SORCS1: variants seen among roughly 807,000 people sequenced by gnomAD.
The protein encoded by SORCS1 is VPS10 domain-containing receptor SorCS1.
In SORCS1, 60 loss-of-function variants were observed where a neutral mutation model predicts 146.1. The observed-to-expected ratio is 0.41, with a 90% CI of 0.33 to 0.51. The LOEUF is 0.51. Among genes scored for constraint, SORCS1 ranks in the 20% least tolerant of loss-of-function variants. SORCS1 has a pLI of 0.21. For synonymous variants in SORCS1, 637 were observed against 584.0 expected (o/e 1.09, Z -1.31); for missense variants, 1,352 against 1,487.6 (o/e 0.91, Z 1.50).
intron 6 of SORCS1, among the ~76,000 whole-genome samples, chr10:106,719,615 G>A (rs761481650): frequency 1.3e-5 from 2 of 152,082 alleles, no homozygotes; most frequent in Non-Finnish European, 2.9e-5. Context: ...GTTTCACCAT[G>A]TTGGCCAGGA....
At chr10:106,853,689 C>A (rs1439220897) in intron 2 of SORCS1, among the ~76,000 whole-genome samples, 4 of 151,752 alleles carry the variant, frequency 2.6e-5, no homozygotes, top group African/African-American at 9.7e-5. Flanking sequence ...ATTATAGTTT[C>A]TCTTGAGATT....
chr10:107,123,419 T>C (rs1966517100), intron 1 of SORCS1, among the ~76,000 whole-genome samples: 1 of 152,200 alleles, frequency 6.6e-6, no homozygotes, highest in Non-Finnish European at 1.5e-5. Context: ...TACAGAACCT[T>C]GCAGTGGATA....
At chr10:106,831,909 T>A (rs1254395570) in intron 2 of SORCS1, among the ~76,000 whole-genome samples, 1 of 152,196 alleles carries the variant, frequency 6.6e-6, no homozygotes, top group East Asian at 1.9e-4. Context: ...GATGTTACCT[T>A]TGTAACAAAA....
intron 6 of SORCS1, among the ~76,000 whole-genome samples, chr10:106,711,236 G>T (rs821953): frequency 0.81 from 122,938 of 152,076 alleles, 51,902 homozygotes; most frequent in Non-Finnish European, 0.94. Context: ...GTATAAAAAA[G>T]GAGTTATTTT....
intron 1 of SORCS1, among the ~76,000 whole-genome samples, chr10:107,062,691 C>A (rs534062402): frequency 7.9e-5 from 12 of 152,094 alleles, no homozygotes; most frequent in Non-Finnish European, 1.5e-4. Flanking sequence ...TATTGTGATC[C>A]GATTTGCAAA....
rs397763642 is a variant in SORCS1, at chr10:107,068,869, C to CAA, written c.558+95098_558+95099dup. On this transcript the variant is annotated intron_variant, in intron 1 of 25. Coordinates refer to ENST00000263054, the MANE Select transcript of SORCS1 (RefSeq NM_052918.5). ...TGGGCAACAGAGCGAGACTCCGTCT[C>CAA]AAAAAAAAAAAAAAAAGGAAACCTC... 5.7e-3 allele frequency among the ~76,000 whole-genome samples: 701 copies of CAA among 122,528 alleles called. 6 individuals are homozygous for CAA. The highest frequency in any genetic ancestry group is 0.013 in the African/African-American group (456 of 34,204). 80.4% of individuals were successfully genotyped at this position (122,528 alleles called of 152,430 possible). A position where few individuals can be genotyped will look rare whatever the true frequency, so the allele number is the denominator to read the frequency against.
intron 1 of SORCS1, among the ~76,000 whole-genome samples, chr10:107,015,224 G>A (rs1006437475): frequency 5.3e-5 from 8 of 152,256 alleles, no homozygotes; most frequent in African/African-American, 1.7e-4. Flanking sequence ...CTTCCCTTGG[G>A]ATATGTTAGC....
intron 5 of SORCS1, among the ~76,000 whole-genome samples, chr10:106,756,934 T>C (rs1196127128): frequency 6.6e-6 from 1 of 152,194 alleles, no homozygotes; most frequent in East Asian, 1.9e-4. Flanking sequence ...TTTCCTGCTA[T>C]ATAAACCCAT....
At chr10:106,802,949 T>C (rs11596343) in intron 3 of SORCS1, among the ~76,000 whole-genome samples, 1 of 151,968 alleles carries the variant, frequency 6.6e-6, no homozygotes. Flanking sequence ...CAGTATTTTT[T>C]AAAACTTCGT....
chr10:106,610,555 T>C (rs1486074786), intron 22 of SORCS1, among the ~76,000 whole-genome samples: 1 of 152,166 alleles, frequency 6.6e-6, no homozygotes, highest in Non-Finnish European at 1.5e-5. Flanking sequence ...GGATGTAAGA[T>C]CTGTTTTCTG....
chr10:107,138,536 A>G (rs1482332111), intron 1 of SORCS1, among the ~76,000 whole-genome samples: 10 of 152,276 alleles, frequency 6.6e-5, no homozygotes, highest in Non-Finnish European at 8.8e-5. Context: ...TCTTTTACCC[A>G]TTCTTCGTCT....
intron 1 of SORCS1, among the ~76,000 whole-genome samples, chr10:107,083,368 G>A (rs1963488339): frequency 6.6e-6 from 1 of 151,772 alleles, no homozygotes; most frequent in African/African-American, 2.4e-5. Context: ...TTAGACTTCT[G>A]GTTGTGTTTT....
chr10:106,703,270 T>G (rs1369393498), intron 8 of SORCS1, among the ~76,000 whole-genome samples: 2 of 151,988 alleles, frequency 1.3e-5, no homozygotes, highest in Non-Finnish European at 2.9e-5. Context: ...AATCCAGGTC[T>G]CCTGCTGCAA....
intron 19 of SORCS1, among the ~76,000 whole-genome samples, chr10:106,627,674 G>A (rs1240512773): frequency 2.6e-5 from 4 of 152,188 alleles, no homozygotes; most frequent in African/African-American, 9.7e-5. Flanking sequence ...AGGAGCCCCC[G>A]TGATGAGTAC....
intron 1 of SORCS1, among the ~76,000 whole-genome samples, chr10:107,156,595 C>A (rs1969299728): frequency 6.6e-6 from 1 of 152,218 alleles, no homozygotes; most frequent in Admixed American, 6.5e-5. Flanking sequence ...CTCACCCCAA[C>A]AGTTAGAAGT....
At chr10:106,703,344 A>G (rs1854268875) in intron 8 of SORCS1, among the ~76,000 whole-genome samples, 1 of 152,122 alleles carries the variant, frequency 6.6e-6, no homozygotes, top group East Asian at 1.9e-4. Context: ...GGAGACAACT[A>G]GATCCATACT....
intron 3 of SORCS1, among the ~76,000 whole-genome samples, chr10:106,788,649 GC>G (rs1405212721): frequency 6.6e-6 from 1 of 152,228 alleles, no homozygotes; most frequent in East Asian, 1.9e-4. Flanking sequence ...TCATGCTGAT[GC>G]AGGAGGTGGG....
intron 1 of SORCS1, among the ~76,000 whole-genome samples, chr10:107,158,370 A>G (rs1422632195): frequency 6.6e-6 from 1 of 152,240 alleles, no homozygotes; most frequent in Non-Finnish European, 1.5e-5. Context: ...TCCTGGATAT[A>G]AAGAGGAATG....
chr10:106,939,341 G>C (rs1440236092), intron 2 of SORCS1, among the ~76,000 whole-genome samples: 1 of 152,180 alleles, frequency 6.6e-6, no homozygotes, highest in African/African-American at 2.4e-5. Context: ...ATTGGAGATG[G>C]GGAAGACAAA....
Sources: allele counts gnomAD v4.1 joint callset (sites outside exome capture counted in the v4.1 genomes callset), GRCh38; gene constraint gnomAD v4.1.1; transcripts MANE v1.5; gene names NCBI Gene and HGNC (gene_info 2026-07-23, HGNC 2026-07-21).